TAF3: variants seen among roughly 807,000 people sequenced by gnomAD.
TAF3 encodes TATA-box binding protein associated factor 3, also known as transcription initiation factor TFIID subunit 3.
Under a neutral mutation model 80.6 loss-of-function variants are expected in TAF3, and 7 were observed. The observed-to-expected ratio is 0.09, with a 90% confidence interval of 0.05 to 0.16. TAF3 has a LOEUF of 0.16. Among genes scored for constraint, TAF3 ranks in the 10% least tolerant of loss-of-function variants. TAF3 has a pLI of 1.00. For synonymous variants in TAF3, 444 were observed against 446.1 expected (o/e 1.00, Z 0.06); for missense variants, 921 against 1,140.2 (o/e 0.81, Z 2.77).
intron 2 of TAF3, among the ~76,000 whole-genome samples, chr10:7,930,915 A>G (rs1349387009): frequency 6.6e-6 from 1 of 152,120 alleles, no homozygotes; most frequent in East Asian, 1.9e-4. Context: ...CTAGAAGGAA[A>G]AGGATCTTTA....
intron 2 of TAF3, among the ~76,000 whole-genome samples, chr10:7,918,883 G>A (rs1810017159): frequency 6.6e-6 from 1 of 152,118 alleles, no homozygotes; most frequent in African/African-American, 2.4e-5. Context: ...AGGAAGGAGG[G>A]AAAATAGTCT....
At chr10:7,864,573 C>T (rs1470947719) in intron 2 of TAF3, among the ~76,000 whole-genome samples, 1 of 152,152 alleles carries the variant, frequency 6.6e-6, no homozygotes, top group Non-Finnish European at 1.5e-5. Flanking sequence ...CCTTCATGTA[C>T]AGGTTTCTGT....
chr10:7,847,988 G>T (rs10905237), intron 2 of TAF3, among the ~76,000 whole-genome samples: 99,046 of 151,456 alleles, frequency 0.65, 32,764 homozygotes, highest in South Asian at 0.88. Flanking sequence ...CAGGCTGATC[G>T]CAAACTCCTG....
At chr10:7,941,401 G>A (rs1837974553) in intron 2 of TAF3, among the ~76,000 whole-genome samples, 1 of 152,208 alleles carries the variant, frequency 6.6e-6, no homozygotes, top group Non-Finnish European at 1.5e-5. Flanking sequence ...CAGCAGGGTG[G>A]GGATTATTTG....
intron 2 of TAF3, among the ~76,000 whole-genome samples, chr10:7,959,807 A>T (rs1338866539): frequency 6.6e-6 from 1 of 152,262 alleles, no homozygotes; most frequent in Admixed American, 6.5e-5. Flanking sequence ...AAAATAATAT[A>T]TCTTACTATA....
intron 3 of TAF3, among the ~76,000 whole-genome samples, chr10:7,975,806 T>C (rs1831666834): frequency 6.6e-6 from 1 of 152,252 alleles, no homozygotes; most frequent in African/African-American, 2.4e-5. Context: ...GATCATTATT[T>C]TATGTGTTCC....
At chr10:7,979,360 ATG>A (rs1237955224) in intron 4 of TAF3, among the ~76,000 whole-genome samples, 1 of 100,872 alleles carries the variant, frequency 9.9e-6, no homozygotes, top group Non-Finnish European at 2.2e-5. Context: ...TGAAAAAAAA[ATG>A]AAAAAAAAAA....
At chr10:7,879,567 A>G (rs1460950763) in intron 2 of TAF3, among the ~76,000 whole-genome samples, 1 of 152,234 alleles carries the variant, frequency 6.6e-6, no homozygotes, top group Non-Finnish European at 1.5e-5. Context: ...AAGCCCTAAT[A>G]TGGACTCCTG....
chr10:7,891,008 T>C (rs1036473515), intron 2 of TAF3, among the ~76,000 whole-genome samples: 1 of 152,260 alleles, frequency 6.6e-6, no homozygotes, highest in African/African-American at 2.4e-5. Context: ...CGGATGCCAG[T>C]ACACATGGAA....
Position 7,818,625 on chromosome 10 carries a change from G to A in TAF3, c.-85G>A. The A allele has an allele frequency of 6.8e-7, 1 of 1,460,418 alleles. No individual in the cohort carries two copies. Among genetic ancestry groups the A allele is most frequent in the Non-Finnish European group, 9.1e-7 (1 of 1,100,496 alleles). 90.5% of individuals were successfully genotyped at this position (1,460,418 alleles called of 1,614,324 possible). A position where few individuals can be genotyped will look rare whatever the true frequency, so the allele number is the denominator to read the frequency against. On this transcript the variant is annotated 5_prime_UTR_variant, in exon 1 of 7. Coordinates refer to ENST00000344293, the MANE Select transcript of TAF3 (RefSeq NM_031923.4). The stretch of plus-strand genomic sequence containing the variant: ...CTTTCCCCGCCGCGGAAGCCCTAGA[G>A]GATGAATCGGGGACCCTGCTAAGGT...
At chr10:7,954,670 T>C (rs1332221208) in intron 2 of TAF3, among the ~76,000 whole-genome samples, 2 of 139,170 alleles carry the variant, frequency 1.4e-5, no homozygotes, top group African/African-American at 5.2e-5. Flanking sequence ...TGTGAATGAG[T>C]GGATTAGTCC....
intron 4 of TAF3, among the ~76,000 whole-genome samples, chr10:8,005,298 G>T (rs1831981057): frequency 6.6e-6 from 1 of 152,038 alleles, no homozygotes; most frequent in South Asian, 2.1e-4. Context: ...GATTATCTTT[G>T]ATTATGTGCT....
At chr10:7,829,177 A>G (rs1026940095) in intron 2 of TAF3, among the ~76,000 whole-genome samples, 4 of 152,074 alleles carry the variant, frequency 2.6e-5, no homozygotes, top group African/African-American at 7.2e-5. Context: ...TTTAAAATAG[A>G]CTATTTTTTA....
At chr10:7,959,044 G>T (rs1235030236) in intron 2 of TAF3, among the ~76,000 whole-genome samples, 1 of 151,964 alleles carries the variant, frequency 6.6e-6, no homozygotes, top group East Asian at 1.9e-4. Context: ...GGAGGCTGAG[G>T]CAGGAGAATG....
At chr10:7,836,431 A>C (rs1486251304) in intron 2 of TAF3, among the ~76,000 whole-genome samples, 1 of 151,980 alleles carries the variant, frequency 6.6e-6, no homozygotes, top group Non-Finnish European at 1.5e-5. Context: ...TGAGCTACCA[A>C]GCCCAGCTAA....
At chr10:7,956,047 C>T (rs1485294299) in intron 2 of TAF3, among the ~76,000 whole-genome samples, 1 of 151,942 alleles carries the variant, frequency 6.6e-6, no homozygotes, top group Non-Finnish European at 1.5e-5. Flanking sequence ...CTCAAAGTTT[C>T]CCAAAATTAT....
At chr10:7,868,830 CA>C (rs1837239234) in intron 2 of TAF3, among the ~76,000 whole-genome samples, 2 of 152,082 alleles carry the variant, frequency 1.3e-5, no homozygotes, top group South Asian at 4.2e-4. Context: ...ACTTATAAGG[CA>C]AGTATTCACA....
intron 4 of TAF3, among the ~76,000 whole-genome samples, chr10:8,006,599 C>A (rs1831996361): frequency 6.6e-6 from 1 of 152,200 alleles, no homozygotes; most frequent in South Asian, 2.1e-4. Flanking sequence ...AAGATGATCA[C>A]CCTTGCAGGA....
intron 2 of TAF3, among the ~76,000 whole-genome samples, chr10:7,939,421 G>C (rs1232867559): frequency 6.6e-6 from 1 of 152,124 alleles, no homozygotes; most frequent in African/African-American, 2.4e-5. Flanking sequence ...TTACAATGTA[G>C]CCCGCCAGTT....
Sources: gnomAD v4.1 joint callset for allele counts (sites outside exome capture counted in the v4.1 genomes callset) on GRCh38, gnomAD v4.1.1 for gene constraint, MANE v1.5 for transcripts, NCBI Gene and HGNC (gene_info 2026-07-23, HGNC 2026-07-21) for gene names.